OR9Q1: variants seen among roughly 807,000 people sequenced by gnomAD.
The protein encoded by OR9Q1 is olfactory receptor 9Q1.
For missense variants in OR9Q1, 374 were observed against 378.8 expected (o/e 0.99, Z 0.11); for synonymous variants, 153 against 148.6 (o/e 1.03, Z -0.22).
intron 2 of OR9Q1, among the ~76,000 whole-genome samples, chr11:58,107,203 G>T (rs1436672661): frequency 2.0e-5 from 3 of 151,866 alleles, no homozygotes; most frequent in Admixed American, 6.6e-5. Flanking sequence ...ATGTTGGTTT[G>T]CTGCACCCAT....
At chr11:58,118,724 A>T in intron 2 of OR9Q1, 1 of 1,614,082 alleles carries the variant, frequency 6.2e-7, no homozygotes, top group Non-Finnish European at 8.5e-7. Context: ...TGAGAGGCAC[A>T]TGTGGAGAAA....
chr11:58,120,803 C>CATATATATATATAT (rs61634454), intron 2 of OR9Q1, among the ~76,000 whole-genome samples: 1,850 of 132,422 alleles, frequency 0.014, 23 homozygotes, highest in African/African-American at 0.021. Flanking sequence ...ATTTCAATAC[C>CATATATATATATAT]ATATATATAT....
chr11:58,084,279 A>G (rs1853615057), intron 2 of OR9Q1, among the ~76,000 whole-genome samples: 1 of 151,850 alleles, frequency 6.6e-6, no homozygotes, highest in Admixed American at 6.6e-5. Flanking sequence ...TAGACATGCT[A>G]CTGATTTTTG....
At chr11:58,141,496 G>A (rs533047805) in intron 2 of OR9Q1, among the ~76,000 whole-genome samples, 1 of 152,240 alleles carries the variant, frequency 6.6e-6, no homozygotes, top group East Asian at 1.9e-4. Flanking sequence ...TTTGTCATTG[G>A]TTCTGTTTAT....
chr11:58,177,122 A>C (rs1246981141), intron 2 of OR9Q1, among the ~76,000 whole-genome samples: 1 of 152,216 alleles, frequency 6.6e-6, no homozygotes, highest in Non-Finnish European at 1.5e-5. Context: ...AAGGTGATCC[A>C]ATGTCCTTTC....
At chr11:58,081,263 T>C (rs890206065) in intron 2 of OR9Q1, among the ~76,000 whole-genome samples, 1 of 152,236 alleles carries the variant, frequency 6.6e-6, no homozygotes, top group Admixed American at 6.5e-5. Context: ...TTGTGAATAG[T>C]GCTGCAATTA....
intron 2 of OR9Q1, among the ~76,000 whole-genome samples, chr11:58,153,426 T>C (rs1358856617): frequency 1.3e-5 from 2 of 152,124 alleles, no homozygotes; most frequent in South Asian, 2.1e-4. Context: ...TTGTGGAAGA[T>C]TCAAACATCA....
At chr11:58,133,734 C>G (rs901676238) in intron 2 of OR9Q1, among the ~76,000 whole-genome samples, 2 of 152,174 alleles carry the variant, frequency 1.3e-5, no homozygotes, top group African/African-American at 4.8e-5. Flanking sequence ...TATTGAATTT[C>G]TAAGAAACTT....
intron 1 of OR9Q1, chr11:58,044,310 C>T (rs1209122137): frequency 6.6e-6 from 1 of 152,194 alleles, no homozygotes; most frequent in South Asian, 2.1e-4. Flanking sequence ...CAGCCTCCCT[C>T]CTTACCTGGT....
chr11:58,026,421 C>A (rs1290462354), intron 1 of OR9Q1, among the ~76,000 whole-genome samples: 3 of 152,052 alleles, frequency 2.0e-5, no homozygotes, highest in Admixed American at 1.3e-4. Context: ...GTGGCTCATG[C>A]CTGTAATCCC....
intron 2 of OR9Q1, chr11:58,118,389 T>C (rs1036945719): frequency 9.9e-6 from 7 of 709,212 alleles, no homozygotes; most frequent in South Asian, 4.0e-5. Context: ...GTGGTACCTA[T>C]CTTCTGTCTT....
At chr11:58,088,178 T>C (rs1853651670) in intron 2 of OR9Q1, among the ~76,000 whole-genome samples, 1 of 151,936 alleles carries the variant, frequency 6.6e-6, no homozygotes, top group South Asian at 2.1e-4. Context: ...TGCATAGTAT[T>C]CCATGGGGTA....
chr11:58,131,641 G>A (rs1245664445), intron 2 of OR9Q1, among the ~76,000 whole-genome samples: 1 of 151,976 alleles, frequency 6.6e-6, no homozygotes, highest in Non-Finnish European at 1.5e-5. Context: ...ACAGCATGTG[G>A]TATGTTAGAA....
At chr11:58,042,754 G>A (rs1327060644) in intron 1 of OR9Q1, among the ~76,000 whole-genome samples, 5 of 152,132 alleles carry the variant, frequency 3.3e-5, no homozygotes, top group Non-Finnish European at 5.9e-5. Flanking sequence ...CCATTTTCAC[G>A]ATATTGATTC....
chr11:58,133,090 C>A (rs1025033301), intron 2 of OR9Q1, among the ~76,000 whole-genome samples: 2 of 152,150 alleles, frequency 1.3e-5, no homozygotes, highest in South Asian at 2.1e-4. Flanking sequence ...GGGGAAGGAC[C>A]TTTTGGTCCT....
intron 2 of OR9Q1, among the ~76,000 whole-genome samples, chr11:58,108,205 A>G (rs935773588): frequency 1.3e-5 from 2 of 152,168 alleles, no homozygotes; most frequent in East Asian, 1.9e-4. Context: ...CACTGAGTTC[A>G]TAGGTTCTTT....
chr11:58,124,855 C>T (rs778717264), intron 2 of OR9Q1, among the ~76,000 whole-genome samples: 32 of 152,126 alleles, frequency 2.1e-4, no homozygotes, highest in Non-Finnish European at 4.0e-4. Context: ...ATCTTCTCTG[C>T]GCTGATCACA....
chr11:58,043,289 C>T (rs1853184584), intron 1 of OR9Q1, among the ~76,000 whole-genome samples: 1 of 152,196 alleles, frequency 6.6e-6, no homozygotes, highest in Non-Finnish European at 1.5e-5. Flanking sequence ...TCCAAAGTCT[C>T]TACTTTCCCA....
At chr11:58,119,175 C>T (rs773837040) in intron 2 of OR9Q1, 7 of 1,614,008 alleles carry the variant, frequency 4.3e-6, no homozygotes, top group African/African-American at 2.7e-5. Flanking sequence ...AGGAGATGAC[C>T]GTTTTGCCTG....
Sources: allele counts gnomAD v4.1 joint callset (sites outside exome capture counted in the v4.1 genomes callset), GRCh38; gene constraint gnomAD v4.1.1; transcripts MANE v1.5; gene names NCBI Gene and HGNC (gene_info 2026-07-23, HGNC 2026-07-21).